The following HHAT variants were observed in gnomAD, a reference collection of about 807,000 sequenced individuals.
The protein encoded by HHAT is hedgehog acyltransferase, also known as protein-cysteine N-palmitoyltransferase HHAT.
Under a neutral mutation model 70.8 loss-of-function variants are expected in HHAT, and 47 were observed. The ratio of observed to expected loss-of-function variants is 0.66; its 90% CI spans 0.53 to 0.85. The LOEUF (loss-of-function observed/expected upper bound fraction) is 0.85, where lower values mean the gene tolerates loss of function less well. Ranked by LOEUF, HHAT falls within the 40% of genes least tolerant of loss-of-function variation. The probability of loss-of-function intolerance (pLI) is 0.00; values close to 1 mark genes in which losing one functional copy is unlikely to be tolerated. For missense variants in HHAT, 609 were observed against 604.8 expected (o/e 1.01, Z -0.07); for synonymous variants, 228 against 247.6 (o/e 0.92, Z 0.74).
chr1:210,543,866 G>A (rs2095455791), intron 9 of HHAT, among the ~76,000 whole-genome samples: 1 of 152,070 alleles, frequency 6.6e-6, no homozygotes, highest in South Asian at 2.1e-4. Flanking sequence ...ATTCATCGAG[G>A]CCTCATATCC....
chr1:210,604,505 T>G (rs767659235), intron 10 of HHAT, among the ~76,000 whole-genome samples: 49 of 152,204 alleles, frequency 3.2e-4, no homozygotes, highest in Non-Finnish European at 6.3e-4. Flanking sequence ...CAGAAAAGTA[T>G]GTGAAAGGTT....
At chr1:210,359,086 C>T (rs1287347775) in intron 2 of HHAT, among the ~76,000 whole-genome samples, 1 of 152,144 alleles carries the variant, frequency 6.6e-6, no homozygotes, top group Non-Finnish European at 1.5e-5. Flanking sequence ...GAAATAGAAC[C>T]AGGGCACTGG....
chr1:210,473,664 AGACTTAATTT>A (rs927806904), intron 8 of HHAT, among the ~76,000 whole-genome samples: 4 of 152,150 alleles, frequency 2.6e-5, no homozygotes, highest in African/African-American at 9.7e-5. Flanking sequence ...CTGCCCACAA[AGACTTAATTT>A]GACTTAATTT....
intron 1 of HHAT, among the ~76,000 whole-genome samples, chr1:210,343,883 A>G (rs2086258990): frequency 6.6e-6 from 1 of 152,198 alleles, no homozygotes. Context: ...GCTCCTGATG[A>G]GTGAAATTCA....
chr1:210,553,551 T>C (rs1209318910), intron 9 of HHAT, among the ~76,000 whole-genome samples: 2 of 152,238 alleles, frequency 1.3e-5, no homozygotes, highest in African/African-American at 4.8e-5. Context: ...ACAGTTCACC[T>C]AACAATGGGG....
intron 7 of HHAT, among the ~76,000 whole-genome samples, chr1:210,446,383 A>T (rs1369003583): frequency 6.6e-6 from 1 of 152,220 alleles, no homozygotes; most frequent in Non-Finnish European, 1.5e-5. Context: ...ATTAACCAAG[A>T]TACCAATCAC....
intron 7 of HHAT, among the ~76,000 whole-genome samples, chr1:210,441,740 C>A (rs1475308871): frequency 3.9e-5 from 6 of 151,920 alleles, no homozygotes; most frequent in Non-Finnish European, 1.5e-5. Flanking sequence ...TTAAGAGCAA[C>A]AAATAATCTG....
At chr1:210,517,569 A>G (rs962639611) in intron 9 of HHAT, among the ~76,000 whole-genome samples, 5 of 152,206 alleles carry the variant, frequency 3.3e-5, no homozygotes, top group African/African-American at 1.2e-4. Flanking sequence ...GACTGAAGAA[A>G]TGTCAAGGAA....
At chr1:210,512,610 T>C (rs1438356319) in intron 8 of HHAT, among the ~76,000 whole-genome samples, 1 of 146,970 alleles carries the variant, frequency 6.8e-6, no homozygotes, top group Non-Finnish European at 1.5e-5. Flanking sequence ...GGGTTGAGGC[T>C]GCAGTAAATG....
intron 3 of HHAT, among the ~76,000 whole-genome samples, chr1:210,365,292 C>A (rs2088801581): frequency 6.8e-6 from 1 of 147,758 alleles, no homozygotes. Flanking sequence ...GGTTGGTAAA[C>A]CTCAGTACTG....
chr1:210,648,613 C>T (rs966421268), intron 11 of HHAT, among the ~76,000 whole-genome samples: 1 of 151,858 alleles, frequency 6.6e-6, no homozygotes, highest in Admixed American at 6.6e-5. Flanking sequence ...GTTATTATCC[C>T]AAGACCCTAA....
At position 210,464,637 on chromosome 1, in the gene HHAT, G is replaced by C. The variant is rs778762203; in HGVS notation, c.989G>C (p.Ser330Thr). 12 of 1,614,178 alleles carry C rather than the reference G, an allele frequency of 7.4e-6. No individual in the cohort carries two copies. In the East Asian group the frequency reaches 2.5e-4, roughly 33 times the overall value. The change falls in exon 8 of 12, where the codon AGT (serine) becomes ACT (threonine). Residue 330 changes from serine (S) to threonine (T), a missense_variant. By Grantham distance (58) the Ser-to-Thr change is moderately conservative. Transcript: ENST00000261458. The stretch of plus-strand genomic sequence containing the variant: ...CCCCGCTGCGTGAGCACCATGTTCA[G>C]TTTCACCGGGATGTGGAGGTCAGGC... Reference protein sequence around the residue: ...ALPRCVSTMFSFTGMWRYFDV... With the variant: ...ALPRCVSTMFTFTGMWRYFDV...
intron 11 of HHAT, among the ~76,000 whole-genome samples, chr1:210,646,840 G>T (rs1674153920): frequency 6.6e-6 from 1 of 152,108 alleles, no homozygotes; most frequent in Non-Finnish European, 1.5e-5. Context: ...ATAATTCTGA[G>T]AAATTAATGG....
chr1:210,492,370 A>C (rs2094565666), intron 8 of HHAT, among the ~76,000 whole-genome samples: 1 of 152,060 alleles, frequency 6.6e-6, no homozygotes, highest in South Asian at 2.1e-4. Context: ...TGAAAGAGGG[A>C]TTGTATCTTG....
intron 9 of HHAT, among the ~76,000 whole-genome samples, chr1:210,561,918 G>C (rs1474502771): frequency 6.6e-6 from 1 of 152,162 alleles, no homozygotes; most frequent in Non-Finnish European, 1.5e-5. Context: ...GTCCAGCACA[G>C]TGCCTGACAC....
intron 7 of HHAT, among the ~76,000 whole-genome samples, chr1:210,449,177 G>A (rs2093695833): frequency 1.3e-5 from 2 of 152,096 alleles, no homozygotes; most frequent in Non-Finnish European, 2.9e-5. Flanking sequence ...CCTCTGCCAT[G>A]TCTGACACTC....
At chr1:210,491,597 G>A (rs376522921) in intron 8 of HHAT, among the ~76,000 whole-genome samples, 1 of 152,132 alleles carries the variant, frequency 6.6e-6, no homozygotes, top group Non-Finnish European at 1.5e-5. Context: ...CATTAAATGA[G>A]TTCTAACACA....
At chr1:210,621,713 G>A (rs1180239263) in intron 10 of HHAT, among the ~76,000 whole-genome samples, 4 of 152,126 alleles carry the variant, frequency 2.6e-5, no homozygotes, top group African/African-American at 9.7e-5. Flanking sequence ...GTGTCCTCTT[G>A]TACGTGCCTG....
rs543807403 is a variant in HHAT, at chr1:210,551,932, G to A, written c.1044-35966G>A. On this transcript the variant is annotated intron_variant, in intron 9 of 11. Transcript: ENST00000261458. ...CTCAGTGATGATTTTCTGCCAAGTG[G>A]CTAAAATAGAATCAGATTGGAACAT... Among the ~76,000 whole-genome samples, 3 of 152,312 alleles carry A rather than the reference G, an allele frequency of 2.0e-5. No individual in the cohort carries two copies. In the South Asian group the frequency reaches 6.2e-4, roughly 32 times the overall value.
Sources: allele counts gnomAD v4.1 joint callset (sites outside exome capture counted in the v4.1 genomes callset), GRCh38; gene constraint gnomAD v4.1.1; transcripts MANE v1.5; gene names NCBI Gene and HGNC (gene_info 2026-07-23, HGNC 2026-07-21).